Variants in EPHB1 observed in about 807,000 individuals in gnomAD.
EPHB1 encodes ephrin type-B receptor 1.
EPHB1 carries 30 observed loss-of-function variants against 94.4 expected under a neutral mutation model. The observed-to-expected ratio is 0.32, with a 90% CI of 0.24 to 0.43. The LOEUF is 0.43. Ranked by LOEUF, EPHB1 falls within the 20% of genes least tolerant of loss-of-function variation. EPHB1 has a pLI of 1.00. For synonymous variants in EPHB1, 522 were observed against 489.1 expected, an observed-to-expected ratio of 1.07 and a Z score of -0.89; for missense variants, 1,055 against 1,308.3, an observed-to-expected ratio of 0.81 and a Z score of 2.99.
chr3:134,995,132 C>T (rs1408653088), intron 3 of EPHB1, among the ~76,000 whole-genome samples: 18 of 152,290 alleles, frequency 1.2e-4, no homozygotes, highest in Non-Finnish European at 4.4e-5. Context: ...CCATGGCCAG[C>T]ACCTTTCCTC....
At chr3:134,816,821 C>T (rs554011027) in intron 1 of EPHB1, among the ~76,000 whole-genome samples, 3 of 152,016 alleles carry the variant, frequency 2.0e-5, no homozygotes, top group Non-Finnish European at 4.4e-5. Context: ...TGTTCAGTAA[C>T]CTGACATGAC....
At chr3:135,104,644 C>G (rs1300703795) in intron 3 of EPHB1, among the ~76,000 whole-genome samples, 1 of 152,164 alleles carries the variant, frequency 6.6e-6, no homozygotes, top group Admixed American at 6.5e-5. Flanking sequence ...AAGTTCTCAA[C>G]AAAGAATAAG....
At chr3:134,819,053 TTA>T (rs1433641354) in intron 1 of EPHB1, among the ~76,000 whole-genome samples, 1 of 152,152 alleles carries the variant, frequency 6.6e-6, no homozygotes, top group Admixed American at 6.5e-5. Context: ...AGTAGCCAGT[TTA>T]TGAGTGAAGG....
intron 3 of EPHB1, among the ~76,000 whole-genome samples, chr3:135,082,261 G>A (rs960878213): frequency 2.6e-5 from 4 of 152,214 alleles, no homozygotes; most frequent in Non-Finnish European, 4.4e-5. Context: ...ACTTGAAATA[G>A]CCACATGGGC....
intron 1 of EPHB1, among the ~76,000 whole-genome samples, chr3:134,798,564 GTC>G (rs1428701832): frequency 2.0e-5 from 3 of 152,200 alleles, no homozygotes; most frequent in African/African-American, 7.2e-5. Flanking sequence ...CTGGGGCTAA[GTC>G]TGTCTTCAGA....
At chr3:135,009,451 T>C (rs1027037882) in intron 3 of EPHB1, among the ~76,000 whole-genome samples, 4 of 152,242 alleles carry the variant, frequency 2.6e-5, no homozygotes, top group Admixed American at 2.6e-4. Context: ...CTGTAGATGA[T>C]GTATCCTGTA....
At chr3:135,175,201 A>G (rs914890477) in intron 9 of EPHB1, among the ~76,000 whole-genome samples, 2 of 151,666 alleles carry the variant, frequency 1.3e-5, no homozygotes, top group African/African-American at 4.9e-5. Flanking sequence ...TTTCAGATAC[A>G]CTCTACATGT....
chr3:135,155,068 T>G (rs556307066), intron 6 of EPHB1, among the ~76,000 whole-genome samples: 143 of 152,316 alleles, frequency 9.4e-4, no homozygotes, highest in Admixed American at 1.8e-3. Flanking sequence ...ATATTAGTGA[T>G]CAAGGAGACA....
intron 9 of EPHB1, among the ~76,000 whole-genome samples, chr3:135,170,484 C>T (rs1241991115): frequency 9.0e-6 from 1 of 110,880 alleles, no homozygotes; most frequent in Non-Finnish European, 1.6e-5. Flanking sequence ...TCATCTGAGC[C>T]TATCATGCAT....
intron 3 of EPHB1, among the ~76,000 whole-genome samples, chr3:135,031,484 A>G (rs1054091196): frequency 1.1e-4 from 16 of 152,048 alleles, no homozygotes; most frequent in Non-Finnish European, 7.4e-5. Context: ...GAATTTTTGT[A>G]TATTTTGTAG....
chr3:135,007,735 A>G (rs1935475326), intron 3 of EPHB1, among the ~76,000 whole-genome samples: 1 of 152,220 alleles, frequency 6.6e-6, no homozygotes, highest in Non-Finnish European at 1.5e-5. Context: ...CCAGAATTTC[A>G]ATCCCCACGT....
intron 12 of EPHB1, among the ~76,000 whole-genome samples, chr3:135,226,864 G>A (rs1943416479): frequency 2.0e-5 from 3 of 151,878 alleles, no homozygotes; most frequent in Admixed American, 1.3e-4. Context: ...CATGTCCTTT[G>A]CAGCAACATA....
At chr3:135,117,832 A>T (rs13074164) in intron 4 of EPHB1, among the ~76,000 whole-genome samples, 1 of 151,922 alleles carries the variant, frequency 6.6e-6, no homozygotes, top group East Asian at 1.9e-4. Context: ...GGAAATGGCA[A>T]TGAAGGGTGC....
At chr3:135,144,452 A>T (rs1353500854) in intron 5 of EPHB1, among the ~76,000 whole-genome samples, 1 of 152,188 alleles carries the variant, frequency 6.6e-6, no homozygotes, top group Non-Finnish European at 1.5e-5. Flanking sequence ...GTTGCTCTAG[A>T]TTCTGCCTGT....
intron 1 of EPHB1, among the ~76,000 whole-genome samples, chr3:134,811,876 G>A (rs1357698047): frequency 6.6e-6 from 1 of 152,166 alleles, no homozygotes; most frequent in African/African-American, 2.4e-5. Context: ...TGGTCCAGGA[G>A]GCCCCCTATT....
At chr3:135,248,986 A>C (rs1249780382) in intron 14 of EPHB1, among the ~76,000 whole-genome samples, 1 of 152,128 alleles carries the variant, frequency 6.6e-6, no homozygotes, top group Non-Finnish European at 1.5e-5. Flanking sequence ...TTGTGATAAA[A>C]TATGCATATT....
intron 9 of EPHB1, among the ~76,000 whole-genome samples, chr3:135,176,260 G>T (rs1941975062): frequency 6.6e-6 from 1 of 152,128 alleles, no homozygotes; most frequent in Non-Finnish European, 1.5e-5. Flanking sequence ...CACCCTATCA[G>T]ACCTTAGGGG....
chr3:135,048,291 G>GTCTCAC (rs1937069935), intron 3 of EPHB1, among the ~76,000 whole-genome samples: 1 of 113,344 alleles, frequency 8.8e-6, no homozygotes, highest in Admixed American at 1.1e-4. Context: ...TTGAGATAGG[G>GTCTCAC]TCTCACTCTT....
At chr3:135,142,733 G>T (rs1287515421) in intron 5 of EPHB1, among the ~76,000 whole-genome samples, 1 of 152,166 alleles carries the variant, frequency 6.6e-6, no homozygotes, top group Admixed American at 6.5e-5. Context: ...GAGTTGTAGA[G>T]GCCAGGGAAC....
Sources: gnomAD v4.1 joint callset for allele counts (sites outside exome capture counted in the v4.1 genomes callset) on GRCh38, gnomAD v4.1.1 for gene constraint, MANE v1.5 for transcripts, NCBI Gene and HGNC (gene_info 2026-07-23, HGNC 2026-07-21) for gene names.